NFIA: variants seen among roughly 807,000 people sequenced by gnomAD.
NFIA encodes nuclear factor 1 A-type.
Under a neutral mutation model 62.8 loss-of-function variants are expected in NFIA, and 8 were observed. That is an observed-to-expected ratio of 0.13 (90% CI 0.07 to 0.23). NFIA has a LOEUF of 0.23. Ranked by LOEUF, NFIA falls within the 10% of genes least tolerant of loss-of-function variation. The pLI is 1.00. For missense variants in NFIA, 410 were observed against 642.1 expected, an observed-to-expected ratio of 0.64 and a Z score of 3.91; for synonymous variants, 235 against 238.1, an observed-to-expected ratio of 0.99 and a Z score of 0.12.
intron 3 of NFIA, among the ~76,000 whole-genome samples, chr1:61,319,788 TAAACACACAC>T (rs1557703944): frequency 6.3e-5 from 5 of 78,756 alleles, no homozygotes; most frequent in Admixed American, 1.7e-4. Context: ...CTGGAAGAAT[TAAACACACAC>T]ACACACACAC....
chr1:61,158,061 G>A (rs1290776067), intron 2 of NFIA, among the ~76,000 whole-genome samples: 1 of 152,134 alleles, frequency 6.6e-6, no homozygotes, highest in Non-Finnish European at 1.5e-5. Flanking sequence ...AGAATTAAAG[G>A]TATGCCTATG....
At chr1:61,296,394 T>A (rs1352798666) in intron 3 of NFIA, among the ~76,000 whole-genome samples, 1 of 152,228 alleles carries the variant, frequency 6.6e-6, no homozygotes, top group Non-Finnish European at 1.5e-5. Flanking sequence ...TACTTAGGCT[T>A]TTCTTTTTTG....
At chr1:61,397,812 G>A (rs1009726893) in intron 7 of NFIA, among the ~76,000 whole-genome samples, 7 of 152,182 alleles carry the variant, frequency 4.6e-5, no homozygotes, top group African/African-American at 7.2e-5. Flanking sequence ...TTTCTGAGTC[G>A]TATGTTTAAC....
chr1:61,153,950 C>G (rs939137840), intron 2 of NFIA, among the ~76,000 whole-genome samples: 1 of 152,134 alleles, frequency 6.6e-6, no homozygotes, highest in Non-Finnish European at 1.5e-5. Flanking sequence ...TACATTTTCT[C>G]CCTTTAGTCA....
intron 2 of NFIA, among the ~76,000 whole-genome samples, chr1:61,208,339 C>G (rs764822288): frequency 2.6e-5 from 4 of 152,092 alleles, no homozygotes; most frequent in Non-Finnish European, 5.9e-5. Context: ...TGGTCCATGC[C>G]AGGCAGAGTG....
intron 2 of NFIA, among the ~76,000 whole-genome samples, chr1:61,153,062 G>C (rs12730101): frequency 0.087 from 13,291 of 152,268 alleles, 779 homozygotes; most frequent in South Asian, 0.16. Context: ...AGTGAATTTA[G>C]GCAAGTCCCT....
At chr1:61,350,146 T>C (rs987560144) in intron 4 of NFIA, among the ~76,000 whole-genome samples, 1 of 152,182 alleles carries the variant, frequency 6.6e-6, no homozygotes, top group African/African-American at 2.4e-5. Context: ...TGGTCCTTCT[T>C]TGACTATTGA....
At position 61,110,649 on chromosome 1, in the gene NFIA, A is replaced by G. The variant is rs368931080; in HGVS notation, c.559+21969A>G. ...AAAAGCGAAATTTAGGTGGTGGGTAAGTGTATCTACATTTTGGCATAAATC... is the reference window on the plus strand; with the variant it reads ...AAAAGCGAAATTTAGGTGGTGGGTAGGTGTATCTACATTTTGGCATAAATC... On this transcript the variant is annotated intron_variant, in intron 2 of 10. Coordinates refer to ENST00000403491, the MANE Select transcript of NFIA (RefSeq NM_001134673.4). Among the ~76,000 whole-genome samples the G allele has an allele frequency of 5.9e-5, 9 of 152,172 alleles. No individual in the cohort carries two copies. The South Asian group carries it at 1.7e-3, about 28-fold the overall frequency.
intron 10 of NFIA, among the ~76,000 whole-genome samples, chr1:61,447,767 G>A (rs1667876853): frequency 6.6e-6 from 1 of 152,170 alleles, no homozygotes; most frequent in Admixed American, 6.5e-5. Context: ...TGTAATCATT[G>A]TTGAAATATT....
chr1:61,184,152 A>AG, intron 2 of NFIA, among the ~76,000 whole-genome samples: 1 of 151,282 alleles, frequency 6.6e-6, no homozygotes, highest in South Asian at 2.1e-4. Flanking sequence ...ACCCAAAAAA[A>AG]CAAAACAAAA....
intron 2 of NFIA, among the ~76,000 whole-genome samples, chr1:61,222,760 A>G (rs1654097957): frequency 1.3e-5 from 2 of 152,088 alleles, no homozygotes; most frequent in Non-Finnish European, 1.5e-5. Flanking sequence ...TTCAACCTTC[A>G]TATATGTAAG....
At chr1:61,222,209 T>G (rs1416178753) in intron 2 of NFIA, among the ~76,000 whole-genome samples, 1 of 152,152 alleles carries the variant, frequency 6.6e-6, no homozygotes, top group African/African-American at 2.4e-5. Context: ...TATTTTAAAT[T>G]TAGTTGGCAG....
chr1:61,141,972 T>C (rs1391859189), intron 2 of NFIA, among the ~76,000 whole-genome samples: 2 of 152,178 alleles, frequency 1.3e-5, no homozygotes, highest in Non-Finnish European at 2.9e-5. Flanking sequence ...GAATGGCGGA[T>C]CTGTTACTAT....
chr1:61,171,813 G>C (rs1649989015), intron 2 of NFIA, among the ~76,000 whole-genome samples: 1 of 152,174 alleles, frequency 6.6e-6, no homozygotes, highest in Non-Finnish European at 1.5e-5. Flanking sequence ...TAGGAACTGT[G>C]TGCTTGCCTA....
intron 10 of NFIA, among the ~76,000 whole-genome samples, chr1:61,432,836 TC>T (rs945015104): frequency 7.2e-5 from 11 of 152,096 alleles, no homozygotes; most frequent in African/African-American, 2.7e-4. Flanking sequence ...AAGTTAAAAG[TC>T]TTATTGGCCA....
At chr1:61,421,180 T>G (rs1162060124) in intron 9 of NFIA, among the ~76,000 whole-genome samples, 1 of 152,012 alleles carries the variant, frequency 6.6e-6, no homozygotes, top group African/African-American at 2.4e-5. Context: ...CCCTGCAGAG[T>G]TTTATTTATA....
intron 10 of NFIA, among the ~76,000 whole-genome samples, chr1:61,450,741 T>C (rs1003216005): frequency 2.6e-5 from 4 of 152,204 alleles, no homozygotes; most frequent in African/African-American, 9.7e-5. Context: ...TGAGGCCTTT[T>C]GTTTAAGTTT....
At chr1:61,217,416 A>G (rs1002923080) in intron 2 of NFIA, among the ~76,000 whole-genome samples, 3 of 152,148 alleles carry the variant, frequency 2.0e-5, no homozygotes, top group African/African-American at 7.2e-5. Flanking sequence ...CTATTAATGT[A>G]CATAATTATG....
chr1:61,240,214 A>G (rs1373926694), intron 2 of NFIA, among the ~76,000 whole-genome samples: 1 of 152,096 alleles, frequency 6.6e-6, no homozygotes, highest in Non-Finnish European at 1.5e-5. Flanking sequence ...TTCAAGTGTA[A>G]AAAGCACTGC....
Sources: gnomAD v4.1 joint callset for allele counts (sites outside exome capture counted in the v4.1 genomes callset) on GRCh38, gnomAD v4.1.1 for gene constraint, MANE v1.5 for transcripts, NCBI Gene and HGNC (gene_info 2026-07-23, HGNC 2026-07-21) for gene names.